The following RADIL variants were observed in gnomAD, a reference collection of about 807,000 sequenced individuals.
RADIL encodes the protein Rap associating with DIL domain.
Under a neutral mutation model 97.6 loss-of-function variants are expected in RADIL, and 99 were observed. The observed-to-expected ratio is 1.01, with a 90% confidence interval of 0.86 to 1.20. RADIL has a LOEUF of 1.20. RADIL is among the 50% of genes most tolerant of loss of function. The pLI, the probability that RADIL is intolerant of heterozygous loss-of-function variation, is 0.00. For synonymous variants in RADIL, 803 were observed against 691.8 expected, an observed-to-expected ratio of 1.16 and a Z score of -2.52; for missense variants, 1,765 against 1,498.9, an observed-to-expected ratio of 1.18 and a Z score of -2.93.
chr7:4,810,047 G>A (rs1782495311), intron 9 of RADIL, among the ~76,000 whole-genome samples: 1 of 152,084 alleles, frequency 6.6e-6, no homozygotes, highest in African/African-American at 2.4e-5. Flanking sequence ...TAGAGATGAG[G>A]TTTCAGTGGT....
chr7:4,874,495 G>A (rs1784324691), intron 2 of RADIL, among the ~76,000 whole-genome samples: 1 of 152,216 alleles, frequency 6.6e-6, no homozygotes. Context: ...CCGCCTCAGT[G>A]AACCTTCTTG....
Position 4,842,197 on chromosome 7 carries a change from C to T in RADIL, c.536-5592G>A, listed in dbSNP as rs112777274. The stretch of plus-strand genomic sequence containing the variant: ...GATAGAAGGAGTAGAAAGTGCAGGG[C>T]GCCGGGGCAATGGGGAAGATGGGGA... On this transcript the variant is annotated intron_variant, in intron 2 of 14. Coordinates refer to ENST00000399583, the MANE Select transcript of RADIL (RefSeq NM_018059.5). The surrounding 1 kb of genome is among the most constrained non-coding windows in gnomAD (Gnocchi z 4.5). 0.011 allele frequency among the ~76,000 whole-genome samples: 1,749 copies of T among 152,186 alleles called. 19 individuals carry two copies. The highest frequency in any genetic ancestry group is 0.017 in the Middle Eastern group (5 of 294).
rs1176896590 is a variant in RADIL at position 4,815,316 on chromosome 7, G to A, written c.2101C>T (p.Leu701Phe). The change falls in exon 9 of 15, where the codon CTC becomes TTC. Residue 701 changes from leucine to phenylalanine, a missense_variant. Leu to Phe is a conservative substitution (Grantham distance 22). Coordinates refer to ENST00000399583, the MANE Select transcript of RADIL (RefSeq NM_018059.5). The surrounding 1 kb of genome is among the most constrained non-coding windows in gnomAD (Gnocchi z 8.0). ...EHFFQKLSCT[L>F]NLLATPRAQL... The stretch of plus-strand genomic sequence containing the variant: ...GCCCTGGGTGTGGCCAGCAGGTTGA[G>A]GGTGCAGGAGAGCTTCTGGAAGAAG... 6.4e-7 allele frequency: 1 copy of A among 1,560,382 alleles called. No homozygotes were observed. Among genetic ancestry groups the A allele is most frequent in the South Asian group, 1.2e-5 (1 of 84,642 alleles).
intron 5 of RADIL, among the ~76,000 whole-genome samples, chr7:4,827,608 C>T (rs1022106284): frequency 2.0e-5 from 3 of 152,160 alleles, no homozygotes; most frequent in Non-Finnish European, 4.4e-5. Flanking sequence ...TTGCAGTGAG[C>T]CGAGATCGTG....
chr7:4,868,546 A>C (rs987608840), intron 2 of RADIL, among the ~76,000 whole-genome samples: 2 of 152,102 alleles, frequency 1.3e-5, no homozygotes, highest in African/African-American at 4.8e-5. Context: ...AGCCTCCCCT[A>C]TCGTGTGTGT....
intron 2 of RADIL, chr7:4,838,206 TC>T (rs1208029917): frequency 4.7e-6 from 1 of 214,664 alleles, no homozygotes; most frequent in Non-Finnish European, 7.8e-6. Context: ...GGGGCCCAGT[TC>T]CCCTACCTCA....
At chr7:4,845,313 G>A (rs1783541454) in intron 2 of RADIL, among the ~76,000 whole-genome samples, 1 of 152,164 alleles carries the variant, frequency 6.6e-6, no homozygotes, top group South Asian at 2.1e-4. Context: ...AGCTACTCAG[G>A]AGGTGGAAGC....
Position 4,817,171 on chromosome 7 carries a change from G to A in RADIL, c.1728+68C>T. The A allele has an allele frequency of 7.1e-7, 1 of 1,415,362 alleles. No homozygotes were observed. Among genetic ancestry groups the A allele is most frequent in the Non-Finnish European group, 9.8e-7 (1 of 1,021,500 alleles). 87.7% of individuals were successfully genotyped at this position (1,415,362 alleles called of 1,614,324 possible). ...CAGAAGGCTCCTTAGGAGAGCCACA[G>A]GCACAAGCTTGAGCCCCACTTGATC... is the stretch of plus-strand genomic sequence containing the variant. On this transcript the variant is annotated intron_variant, in intron 7 of 14. Coordinates refer to ENST00000399583, the MANE Select transcript of RADIL (RefSeq NM_018059.5). This position sits in a 1 kb window ranked among gnomAD's most constrained non-coding sequence, Gnocchi z 8.3.
chr7:4,852,614 A>G (rs1468482504), intron 2 of RADIL, among the ~76,000 whole-genome samples: 1 of 152,036 alleles, frequency 6.6e-6, no homozygotes, highest in African/African-American at 2.4e-5. Context: ...ATGCCTGACT[A>G]ATTTTTTATT....
intron 2 of RADIL, chr7:4,860,034 T>C: frequency 1.9e-6 from 3 of 1,614,046 alleles, no homozygotes; most frequent in Non-Finnish European, 1.7e-6. Context: ...TGAGGAATAC[T>C]TTCGTTTAAT....
At chr7:4,805,041 C>G (rs762105217) in intron 10 of RADIL, among the ~76,000 whole-genome samples, 8 of 152,166 alleles carry the variant, frequency 5.3e-5, no homozygotes, top group Non-Finnish European at 1.0e-4. Flanking sequence ...TTGCAGTGAG[C>G]TGAGATTGCA....
chr7:4,800,899 A>C (rs1782061256), intron 12 of RADIL, among the ~76,000 whole-genome samples: 1 of 152,158 alleles, frequency 6.6e-6, no homozygotes, highest in Non-Finnish European at 1.5e-5. Context: ...CTGACTCTGC[A>C]CACGCACCCA....
At chr7:4,810,446 G>A (rs904451442) in intron 9 of RADIL, among the ~76,000 whole-genome samples, 1 of 152,220 alleles carries the variant, frequency 6.6e-6, no homozygotes, top group Non-Finnish European at 1.5e-5. Flanking sequence ...CCAGCCGACG[G>A]TTCAGGTGTG....
Position 4,842,163 on chromosome 7 carries a change from T to C in RADIL, c.536-5558A>G, listed in dbSNP as rs1004713272. On this transcript the variant is annotated intron_variant, in intron 2 of 14. Coordinates refer to ENST00000399583, the MANE Select transcript of RADIL (RefSeq NM_018059.5). This position sits in a 1 kb window ranked among gnomAD's most constrained non-coding sequence, Gnocchi z 4.5. ...TGCCTGGTCATGAAATGTCTGCCTT[T>C]GACAATGGGATAGAAGGAGTAGAAA... Among the ~76,000 whole-genome samples, 2 of 152,048 alleles carry C rather than the reference T, an allele frequency of 1.3e-5. No individual in the cohort carries two copies. The highest frequency in any genetic ancestry group is 4.8e-5 in the African/African-American group (2 of 41,404).
chr7:4,800,478 G>A (rs1782045541), intron 12 of RADIL, among the ~76,000 whole-genome samples, 168 bp from the exon 13 acceptor site: 1 of 152,092 alleles, frequency 6.6e-6, no homozygotes, highest in African/African-American at 2.4e-5. Flanking sequence ...CCAGACATTA[G>A]GGTCGGGGTC....
intron 2 of RADIL, chr7:4,859,664 T>C: frequency 1.9e-6 from 1 of 527,944 alleles, no homozygotes; most frequent in South Asian, 2.4e-5. Context: ...TGAGGTTGTT[T>C]TTAACCATTC....
At chr7:4,850,022 CAT>C (rs1196439961) in intron 2 of RADIL, among the ~76,000 whole-genome samples, 1 of 151,870 alleles carries the variant, frequency 6.6e-6, no homozygotes, top group Non-Finnish European at 1.5e-5. Context: ...TCCCCAAATA[CAT>C]AGAGTGTTTC....
chr7:4,830,044 G>A (rs561500897), intron 5 of RADIL, among the ~76,000 whole-genome samples: 4 of 152,198 alleles, frequency 2.6e-5, no homozygotes, highest in South Asian at 4.1e-4. Context: ...ACTGCCTAGC[G>A]TGGCCACCAC....
intron 13 of RADIL, 38 bp from the exon 14 acceptor site, chr7:4,799,807 G>T: frequency 2.0e-6 from 3 of 1,467,156 alleles, no homozygotes; most frequent in Non-Finnish European, 1.8e-6. Context: ...CCGCAGGCCC[G>T]ACTGGCTGTC....
Sources: allele counts gnomAD v4.1 joint callset (sites outside exome capture counted in the v4.1 genomes callset), GRCh38; gene constraint gnomAD v4.1.1; non-coding constraint Gnocchi (gnomAD v3.1); transcripts MANE v1.5; gene names NCBI Gene and HGNC (gene_info 2026-07-23, HGNC 2026-07-21).